Variants in MTHFD2 observed in about 807,000 individuals in gnomAD.
MTHFD2 encodes methylenetetrahydrofolate dehydrogenase (NADP+ dependent) 2, methenyltetrahydrofolate cyclohydrolase.
A neutral mutation model predicts 36.8 loss-of-function variants in MTHFD2; 26 were observed. That is an observed-to-expected ratio of 0.71 (90% confidence interval 0.52 to 0.98). The LOEUF (loss-of-function observed/expected upper bound fraction) is 0.98. MTHFD2 is among the 50% of genes least tolerant of loss of function. The pLI, the probability that MTHFD2 is intolerant of heterozygous loss-of-function variation, is 0.00. For synonymous variants in MTHFD2, 164 were observed against 155.2 expected (o/e 1.06, Z -0.42); for missense variants, 373 against 434.0 (o/e 0.86, Z 1.25).
intron 5 of MTHFD2, among the ~76,000 whole-genome samples, chr2:74,210,568 C>T (rs775346384): frequency 6.6e-6 from 1 of 152,168 alleles, no homozygotes; most frequent in Non-Finnish European, 1.5e-5. Flanking sequence ...TATCTTTCAA[C>T]ATACTTAAAA....
chr2:74,210,126 TG>T, intron 5 of MTHFD2, 77 bp downstream of exon 5: 1 of 1,198,816 alleles, frequency 8.3e-7, no homozygotes, highest in Non-Finnish European at 1.2e-6. Context: ...TGTGCATGTT[TG>T]GAAGTATTAA....
Position 74,214,303 on chromosome 2 carries a change from A to ATC in MTHFD2, c.*61_*62insTC. ...GCCAGCTCAAGAAGCAAAGCAGGCC[A>ATC]ATAGAAATGCAATATTTTTAATTTA... On this transcript the variant is annotated 3_prime_UTR_variant, in exon 8 of 8. Coordinates refer to ENST00000394053, the MANE Select transcript of MTHFD2 (RefSeq NM_006636.4). The ATC allele has an allele frequency of 6.6e-7, 1 of 1,522,390 alleles. No homozygotes were observed. Among genetic ancestry groups the ATC allele is most frequent in the African/African-American group, 1.4e-5 (1 of 71,780 alleles). The allele number at this position is 1,522,390 out of a possible 1,614,324, so 94.3% of individuals were successfully genotyped here.
At position 74,211,209 on chromosome 2, in the gene MTHFD2, T is replaced by C; in HGVS notation, c.681T>C (p.Thr227=). 2 of 1,603,710 alleles carry C rather than the reference T, an allele frequency of 1.2e-6. No individual in the cohort carries two copies. Among genetic ancestry groups the C allele is most frequent in the Non-Finnish European group, 1.7e-6 (2 of 1,172,790 alleles). The change falls in exon 6 of 8, where the codon ACT becomes ACC. Residue 227 remains threonine, a synonymous_variant. Coordinates refer to ENST00000394053, the MANE Select transcript of MTHFD2 (RefSeq NM_006636.4). ...TTTTTTTCTTTCTAGGTGATGCCAC[T>C]GTTACAATATCTCATCGATATACTC... ...GAHERPGGDA[T]VTISHRYTPK...
intron 5 of MTHFD2, among the ~76,000 whole-genome samples, chr2:74,210,821 C>T (rs1362162958): frequency 3.1e-5 from 4 of 128,904 alleles, no homozygotes; most frequent in Non-Finnish European, 6.2e-5. Context: ...TGGAGTCTTG[C>T]CCTGTTGCCC....
Position 74,198,617 on chromosome 2 carries a change from C to T in MTHFD2, c.-25C>T, listed in dbSNP as rs1281009785. 1.9e-6 allele frequency: 3 copies of T among 1,580,532 alleles called. No individual in the cohort carries two copies. Among genetic ancestry groups the T allele is most frequent in the South Asian group, 1.1e-5 (1 of 87,550 alleles). ...GCGTGGCCCGCGCGCGCGCTTCCCT[C>T]CCGGCGCAGTCACCGGCGCGGTCTA... On this transcript the variant is annotated 5_prime_UTR_variant, in exon 1 of 8. Transcript: ENST00000394053.
At chr2:74,203,928 T>TATAG (rs1463652033) in intron 1 of MTHFD2, among the ~76,000 whole-genome samples, 1 of 145,714 alleles carries the variant, frequency 6.9e-6, no homozygotes, top group African/African-American at 2.6e-5. Context: ...TAGTTTAGTT[T>TATAG]TTTGAGATGC....
Position 74,211,068 on chromosome 2 carries a change from A to ATTACAG in MTHFD2, c.671-131_671-130insTTACAG, listed in dbSNP as rs1694294459. Reference sequence around the variant, plus strand: ...CCAAAGTGCTGGGATTACAGGCGTGAGCCACTGCACCTGGCCGTAAGTCAA... The same window carrying ATTACAG: ...CCAAAGTGCTGGGATTACAGGCGTGATTACAGGCCACTGCACCTGGCCGTAAGTCAA... On this transcript the variant is annotated intron_variant, in intron 5 of 7. Transcript: ENST00000394053. 17 of 599,730 alleles carry ATTACAG rather than the reference A, an allele frequency of 2.8e-5. No homozygotes were observed. The South Asian group carries it at 3.2e-4, about 11-fold the overall frequency. 37.2% of individuals were successfully genotyped at this position (599,730 alleles called of 1,614,324 possible).
At chr2:74,206,795 G>A (rs995516012) in intron 2 of MTHFD2, among the ~76,000 whole-genome samples, 24 of 152,266 alleles carry the variant, frequency 1.6e-4, no homozygotes, top group Admixed American at 5.9e-4. Context: ...CGCAACCTCC[G>A]CCTCCCGGGT....
chr2:74,205,651 A>G, intron 1 of MTHFD2, 54 bp from the exon 2 acceptor site: 3 of 1,569,104 alleles, frequency 1.9e-6, no homozygotes, highest in Non-Finnish European at 2.6e-6. Context: ...GCAGAGTTTT[A>G]GTTTTTATAA....
At chr2:74,206,009 A>G in intron 2 of MTHFD2, 120 bp downstream of exon 2, 2 of 1,029,760 alleles carry the variant, frequency 1.9e-6, no homozygotes, top group Non-Finnish European at 2.8e-6. Flanking sequence ...GGCTAATGTG[A>G]TTGAACTGTA....
At chr2:74,212,757 G>A (rs1694336090) in intron 7 of MTHFD2, among the ~76,000 whole-genome samples, 1 of 152,048 alleles carries the variant, frequency 6.6e-6, no homozygotes, top group South Asian at 2.1e-4. Context: ...TTGATGAAGT[G>A]ATTTTTCTAA....
chr2:74,205,199 G>A (rs1694149832), intron 1 of MTHFD2, among the ~76,000 whole-genome samples: 1 of 152,172 alleles, frequency 6.6e-6, no homozygotes, highest in South Asian at 2.1e-4. Flanking sequence ...AGTTGACTGG[G>A]AAATGATTTG....
chr2:74,206,951 A>ACCTGCCTCAGGTGATCTGCG (rs1484712053), intron 2 of MTHFD2, among the ~76,000 whole-genome samples: 2 of 151,680 alleles, frequency 1.3e-5, no homozygotes, highest in African/African-American at 4.9e-5. Flanking sequence ...TAGGTGATCC[A>ACCTGCCTCAGGTGATCTGCG]CCTGCCTCAG....
chr2:74,211,199 G>A lies in MTHFD2; in HGVS notation c.671G>A (p.Gly224Asp). The A allele has an allele frequency of 6.3e-7, 1 of 1,594,840 alleles. No homozygotes were observed. The highest frequency in any genetic ancestry group is 8.6e-7 in the Non-Finnish European group (1 of 1,165,312). Residue 224 changes from glycine (G) to aspartate (D), a missense_variant and splice_region_variant, in exon 6 of 8, where the codon GGT (glycine) becomes GAT (aspartate). Around this residue, in one of 2 missense-constraint regions of MTHFD2, gnomAD observed 308 missense variants for 397.8 expected, o/e 0.77. Coordinates refer to ENST00000394053, the MANE Select transcript of MTHFD2 (RefSeq NM_006636.4). Reference protein sequence around the residue: ...HTDGAHERPGGDATVTISHRY... With the variant: ...HTDGAHERPGDDATVTISHRY... Reference sequence around the variant, plus strand: ...AAGACATCTATTTTTTTCTTTCTAGGTGATGCCACTGTTACAATATCTCAT... The same window carrying A: ...AAGACATCTATTTTTTTCTTTCTAGATGATGCCACTGTTACAATATCTCAT...
At position 74,208,686 on chromosome 2, in the gene MTHFD2, C is replaced by G. The variant is rs753224685; in HGVS notation, c.527C>G (p.Thr176Ser). ...GATCAGTATTCCATGTTACCGGCTA[C>G]TCCATGGGGTGTGTGGGAAATAATC... ...CLDQYSMLPA[T>S]PWGVWEIIKR... is the part of the protein sequence containing the mutation. Residue 176 changes from threonine (T) to serine (S), a missense_variant, in exon 4 of 8, where the codon ACT becomes AGT. By Grantham distance (58) the Thr-to-Ser change is moderately conservative. Around this residue, in one of 2 missense-constraint regions of MTHFD2, gnomAD observed 308 missense variants for 397.8 expected, o/e 0.77. Transcript: ENST00000394053. The G allele has an allele frequency of 6.2e-7, 1 of 1,614,138 alleles. No individual in the cohort carries two copies. The highest frequency in any genetic ancestry group is 8.5e-7 in the Non-Finnish European group (1 of 1,180,022).
rs555016392 is a variant in MTHFD2, at chr2:74,198,655, C to T, written c.14C>T (p.Ser5Phe). ...CCGGCGCGGTCTATGGCTGCGACTTCTCTAATGTCTGCTTTGGCTGCCCGG... is the reference window on the plus strand; with the variant it reads ...CCGGCGCGGTCTATGGCTGCGACTTTTCTAATGTCTGCTTTGGCTGCCCGG... MAATSLMSALAARLL... is the reference protein window; with the variant it reads MAATFLMSALAARLL... Residue 5 changes from serine (S) to phenylalanine (F), a missense_variant, in exon 1 of 8, where the codon TCT (serine) becomes TTT (phenylalanine). Ser to Phe is a radical substitution (Grantham distance 155). Coordinates refer to ENST00000394053, the MANE Select transcript of MTHFD2 (RefSeq NM_006636.4). 1.9e-6 allele frequency: 3 copies of T among 1,610,254 alleles called. No homozygotes were observed. Among genetic ancestry groups the T allele is most frequent in the African/African-American group, 1.3e-5 (1 of 74,872 alleles).
rs1694406415 is a variant in MTHFD2, at chr2:74,215,184, C to G, written c.*942C>G. 2 of 152,540 alleles carry G rather than the reference C, an allele frequency of 1.3e-5. No homozygotes were observed. Among genetic ancestry groups the G allele is most frequent in the African/African-American group, 4.8e-5 (2 of 41,426 alleles). The allele number at this position is 152,540 out of a possible 1,614,324, so 9.4% of individuals were successfully genotyped here. A position where few individuals can be genotyped will look rare whatever the true frequency, so the allele number is the denominator to read the frequency against. ...GATGTATGTATCCTGTTGACTTTTC[C>G]AGAAATTTTTTAAGAGTTTGAGTTA... On this transcript the variant is annotated 3_prime_UTR_variant, in exon 8 of 8. Transcript: ENST00000394053.
chr2:74,198,762 C>G lies in MTHFD2; in HGVS notation c.101+20C>G. 6 of 1,585,020 alleles carry G rather than the reference C, an allele frequency of 3.8e-6. No individual in the cohort carries two copies. Among genetic ancestry groups the G allele is most frequent in the Non-Finnish European group, 5.1e-6 (6 of 1,166,222 alleles). On this transcript the variant is annotated intron_variant, in intron 1 of 7. Coordinates refer to ENST00000394053, the MANE Select transcript of MTHFD2 (RefSeq NM_006636.4). ...AGTTCGGTAAGAGGGTCACAGAGCT[C>G]GGTCAGCGCGGAAAGCTGAGGGGAA...
Position 74,198,695 on chromosome 2 carries a change from G to C in MTHFD2, c.54G>C (p.Ala18=), listed in dbSNP as rs1408081216. The C allele has an allele frequency of 6.2e-7, 1 of 1,610,866 alleles. No homozygotes were observed. The highest frequency in any genetic ancestry group is 8.5e-7 in the Non-Finnish European group (1 of 1,178,820). ...TGGCTGCCCGGCTGCTGCAGCCCGC[G>C]CACAGCTGCTCCCTTCGCCTTCGCC... ...SALAARLLQP[A]HSCSLRLRPF... is the part of the protein sequence containing the mutation. Residue 18 remains alanine (A), a synonymous_variant, in exon 1 of 8, where the codon GCG becomes GCC. Transcript: ENST00000394053.
Sources: allele counts gnomAD v4.1 joint callset (sites outside exome capture counted in the v4.1 genomes callset), GRCh38; gene constraint gnomAD v4.1.1; regional missense constraint gnomAD v4.1.1; transcripts MANE v1.5; gene names NCBI Gene and HGNC (gene_info 2026-07-23, HGNC 2026-07-21).